The following PIEZO2 variants were observed in gnomAD, a reference collection of about 807,000 sequenced individuals.
PIEZO2 encodes piezo type mechanosensitive ion channel component 2.
In PIEZO2, 172 loss-of-function variants were observed where a neutral mutation model predicts 337.3. The ratio of observed to expected loss-of-function variants is 0.51; its 90% confidence interval spans 0.45 to 0.58. The LOEUF is 0.58. PIEZO2 is among the 20% of genes least tolerant of loss of function. The pLI, the probability that PIEZO2 is intolerant of heterozygous loss-of-function variation, is 0.00. For missense variants in PIEZO2, 3,028 were observed against 3,391.3 expected (o/e 0.89, Z 2.66); for synonymous variants, 1,251 against 1,228.5 (o/e 1.02, Z -0.38).
At chr18:10,752,344 GT>G (rs1394742855) in intron 28 of PIEZO2, among the ~76,000 whole-genome samples, 1 of 152,160 alleles carries the variant, frequency 6.6e-6, no homozygotes, top group Non-Finnish European at 1.5e-5. Context: ...ATGACAAATT[GT>G]TCCTCAGAAG....
At chr18:10,812,035 G>A (rs568689605) in intron 7 of PIEZO2, among the ~76,000 whole-genome samples, 3 of 152,232 alleles carry the variant, frequency 2.0e-5, no homozygotes, top group Admixed American at 6.5e-5. Context: ...GGGTTTCACC[G>A]TGTTAGCCAG....
intron 5 of PIEZO2, 102 bp downstream of exon 5, chr18:10,871,151 A>T (rs2042129455): frequency 3.3e-6 from 4 of 1,205,558 alleles, no homozygotes; most frequent in Non-Finnish European, 4.5e-6. Flanking sequence ...GTGAATCATA[A>T]CGTGCTCTGT....
At position 10,906,722 on chromosome 18, in the gene PIEZO2, G is replaced by A. The variant is rs184210563; in HGVS notation, c.329+4464C>T. 2.2e-3 allele frequency among the ~76,000 whole-genome samples: 341 copies of A among 152,100 alleles called. 1 individual carries two copies. The highest frequency in any genetic ancestry group is 7.8e-3 in the African/African-American group (324 of 41,486). On this transcript the variant is annotated intron_variant, in intron 4 of 55. Coordinates refer to ENST00000674853, the MANE Select transcript of PIEZO2 (RefSeq NM_001378183.1). ...ACTACAGGCACATGCCGCCACGCCT[G>A]GCTAATTTTTAGTATTTTAGTAGAC...
intron 7 of PIEZO2, among the ~76,000 whole-genome samples, chr18:10,842,032 T>A (rs2041211242): frequency 6.6e-6 from 1 of 151,850 alleles, no homozygotes; most frequent in Non-Finnish European, 1.5e-5. Flanking sequence ...GGTGTGCGCC[T>A]GTAGTCCCAG....
intron 26 of PIEZO2, 97 bp from the exon 27 acceptor site, chr18:10,758,231 C>T: frequency 2.3e-6 from 3 of 1,332,202 alleles, no homozygotes; most frequent in African/African-American, 1.5e-5. Context: ...CATTCCCCAG[C>T]TCCTAAGTGA....
chr18:10,675,150 T>G (rs1717935863), intron 54 of PIEZO2, 59 bp downstream of exon 54: 1 of 1,242,860 alleles, frequency 8.0e-7, no homozygotes, highest in Non-Finnish European at 1.1e-6. Context: ...CACAAACTGT[T>G]GAAATTGAAT....
intron 1 of PIEZO2, among the ~76,000 whole-genome samples, chr18:11,074,314 G>T (rs1285829975): frequency 6.6e-6 from 1 of 152,034 alleles, no homozygotes; most frequent in Non-Finnish European, 1.5e-5. Context: ...TCATCCTCTG[G>T]CAGCAACAAT....
intron 7 of PIEZO2, among the ~76,000 whole-genome samples, chr18:10,840,105 C>A (rs193100050): frequency 6.6e-6 from 1 of 152,230 alleles, no homozygotes; most frequent in Admixed American, 6.5e-5. Context: ...TCAAAAGGAT[C>A]ATTCTTGAGA....
rs1452721360 is a variant in PIEZO2 at position 10,781,928 on chromosome 18, A to G, written c.2493-1562T>C. ...GCAGAGAAAGCAAAGCCTGACAGTC[A>G]ATCCTAACTCTCAAAATATTCCTTT... On this transcript the variant is annotated intron_variant, in intron 17 of 55. Coordinates refer to ENST00000674853, the MANE Select transcript of PIEZO2 (RefSeq NM_001378183.1). This position sits in a 1 kb window ranked among gnomAD's most constrained non-coding sequence, Gnocchi z 4.1. Among the ~76,000 whole-genome samples the G allele has an allele frequency of 6.6e-6, 1 of 152,034 alleles. No individual in the cohort carries two copies. The highest frequency in any genetic ancestry group is 1.5e-5 in the Non-Finnish European group (1 of 68,018).
At chr18:10,844,845 G>T (rs549619865) in intron 7 of PIEZO2, among the ~76,000 whole-genome samples, 1 of 149,710 alleles carries the variant, frequency 6.7e-6, no homozygotes, top group South Asian at 2.1e-4. Flanking sequence ...TTAAATGAGA[G>T]ATGCAAGACA....
chr18:10,770,120 C>T, intron 21 of PIEZO2, 28 bp downstream of exon 21: 1 of 1,535,648 alleles, frequency 6.5e-7, no homozygotes. Flanking sequence ...TTCTGTTCAG[C>T]CTGATGATAG....
At chr18:10,848,160 C>T (rs993422683) in intron 7 of PIEZO2, among the ~76,000 whole-genome samples, 33 of 152,174 alleles carry the variant, frequency 2.2e-4, no homozygotes, top group African/African-American at 8.0e-4. Context: ...AAAGCAAGAC[C>T]GCGGCAGACC....
chr18:10,734,095 C>A (rs7231530), intron 35 of PIEZO2, among the ~76,000 whole-genome samples: 1 of 152,128 alleles, frequency 6.6e-6, no homozygotes, highest in Non-Finnish European at 1.5e-5. Context: ...CTAGCACCTT[C>A]TTTATGTTGT....
intron 2 of PIEZO2, among the ~76,000 whole-genome samples, chr18:11,058,332 C>T (rs1469238940): frequency 6.6e-6 from 1 of 152,150 alleles, no homozygotes; most frequent in East Asian, 1.9e-4. Context: ...GGGGAAAAAA[C>T]AGCTGGAAAT....
intron 39 of PIEZO2, among the ~76,000 whole-genome samples, chr18:10,710,952 G>T (rs993868140): frequency 6.6e-6 from 1 of 152,052 alleles, no homozygotes; most frequent in African/African-American, 2.4e-5. Context: ...CTTTCTTTAG[G>T]TTGAAAAACA....
At chr18:11,108,343 C>T (rs554564201) in intron 1 of PIEZO2, among the ~76,000 whole-genome samples, 6 of 152,254 alleles carry the variant, frequency 3.9e-5, no homozygotes, top group South Asian at 2.1e-4. Flanking sequence ...GGGCCAGGCA[C>T]GGTGGCTTAC....
intron 7 of PIEZO2, among the ~76,000 whole-genome samples, chr18:10,848,209 G>T (rs1220639191): frequency 6.6e-6 from 1 of 152,168 alleles, no homozygotes; most frequent in Non-Finnish European, 1.5e-5. Context: ...TTTTCTAGAT[G>T]ACCCCACTGG....
intron 1 of PIEZO2, among the ~76,000 whole-genome samples, chr18:11,093,483 C>T (rs1414036791): frequency 6.6e-6 from 1 of 151,856 alleles, no homozygotes; most frequent in Non-Finnish European, 1.5e-5. Context: ...GTTGGGGACT[C>T]TCACTACACT....
chr18:10,715,501 G>C (rs1163661969), intron 38 of PIEZO2, 149 bp downstream of exon 38: 1 of 650,560 alleles, frequency 1.5e-6, no homozygotes, highest in Non-Finnish European at 2.4e-6. Flanking sequence ...GTGTGGAATA[G>C]ATTTAAATAT....
Sources: gnomAD v4.1 joint callset for allele counts (sites outside exome capture counted in the v4.1 genomes callset) on GRCh38, gnomAD v4.1.1 for gene constraint, Gnocchi (gnomAD v3.1) non-coding constraint, MANE v1.5 for transcripts, NCBI Gene and HGNC (gene_info 2026-07-23, HGNC 2026-07-21) for gene names.